The following FGFBP1 variants were observed in gnomAD, a reference collection of about 807,000 sequenced individuals.
FGFBP1 encodes fibroblast growth factor binding protein 1.
FGFBP1 carries 12 observed loss-of-function variants against 14.6 expected under a neutral mutation model. The observed-to-expected ratio is 0.82, with a 90% CI of 0.53 to 1.33. FGFBP1 has a LOEUF of 1.33. Among genes scored for constraint, FGFBP1 ranks in the 40% most tolerant of loss-of-function variants. The probability of loss-of-function intolerance (pLI) is 0.00; values close to 1 mark genes in which losing one functional copy is unlikely to be tolerated. For synonymous variants in FGFBP1, 117 were observed against 105.0 expected (o/e 1.11, Z -0.70); for missense variants, 317 against 271.8 (o/e 1.17, Z -1.17).
rs143807110 is a variant in FGFBP1 at position 15,936,088 on chromosome 4, G to T, written c.545C>A (p.Ser182Tyr). The T allele has an allele frequency of 1.2e-3, 1,919 of 1,614,130 alleles. 6 individuals are homozygous for T. Among genetic ancestry groups the T allele is most frequent in the Non-Finnish European group, 1.5e-3 (1,816 of 1,179,994 alleles). ...EHIKGKETTP[S>Y]SLAVTQTMAT... is the part of the protein sequence containing the mutation. ...CATGGTCTGGGTCACTGCTAGGCTAGAGGGGGTGGTCTCTTTGCCTTTGAT... is the reference window on the plus strand; with the variant it reads ...CATGGTCTGGGTCACTGCTAGGCTATAGGGGGTGGTCTCTTTGCCTTTGAT... Residue 182 changes from serine to tyrosine, a missense_variant, in exon 3 of 3, where the codon TCT becomes TAT. Coordinates refer to ENST00000382333, the MANE Select transcript of FGFBP1 (RefSeq NM_005130.5).
chr4:15,935,695 G>T lies in FGFBP1; in HGVS notation c.*233C>A, dbSNP rs565159838. ...CTCTTCGCTGCTCAAACACATAGCT[G>T]TGTGGGCCATGGAAATACATGCTGC... is the stretch of plus-strand genomic sequence containing the variant. On this transcript the variant is annotated 3_prime_UTR_variant, in exon 3 of 3. Coordinates refer to ENST00000382333, the MANE Select transcript of FGFBP1 (RefSeq NM_005130.5). The T allele has an allele frequency of 1.1e-4, 45 of 412,690 alleles. No individual in the cohort carries two copies. In the East Asian group the frequency reaches 1.6e-3, roughly 14 times the overall value. 25.6% of individuals were successfully genotyped at this position (412,690 alleles called of 1,614,324 possible).
rs758582365 is a variant in FGFBP1, at chr4:15,936,482, T to G, written c.151A>C (p.Lys51Gln). Residue 51 changes from lysine (K) to glutamine (Q), a missense_variant, in exon 3 of 3, where the codon AAA becomes CAA. Coordinates refer to ENST00000382333, the MANE Select transcript of FGFBP1 (RefSeq NM_005130.5). ...TTGCCTTTGTTCCCGGGCCTGCTTTTCTGCTTAATCTGGGTGTTGCCCAGA... is the reference window on the plus strand; with the variant it reads ...TTGCCTTTGTTCCCGGGCCTGCTTTGCTGCTTAATCTGGGTGTTGCCCAGA... ...DTLGNTQIKQ[K>Q]SRPGNKGKFV... is the part of the protein sequence containing the mutation. 9.9e-6 allele frequency: 16 copies of G among 1,614,088 alleles called. No individual in the cohort carries two copies. In the East Asian group the frequency reaches 2.2e-4, roughly 22 times the overall value.
At position 15,935,994 on chromosome 4, in the gene FGFBP1, G is replaced by C; in HGVS notation, c.639C>G (p.Phe213Leu). The C allele has an allele frequency of 6.2e-7, 1 of 1,614,060 alleles. No individual in the cohort carries two copies. Among genetic ancestry groups the C allele is most frequent in the Non-Finnish European group, 8.5e-7 (1 of 1,179,976 alleles). Reference sequence around the variant, plus strand: ...AGAGAGAGCTCCAAGTCTCTCCACAGAACTCCAGGGCAGTCTTCCTCTGGT... The same window carrying C: ...AGAGAGAGCTCCAAGTCTCTCCACACAACTCCAGGGCAGTCTTCCTCTGGT... ...MANQRKTALE[F>L]CGETWSSLCT... The change falls in exon 3 of 3, where the codon TTC becomes TTG. Residue 213 changes from phenylalanine (F) to leucine (L), a missense_variant. Coordinates refer to ENST00000382333, the MANE Select transcript of FGFBP1 (RefSeq NM_005130.5).
chr4:15,936,653 C>A lies in FGFBP1; in HGVS notation c.-20-1G>T, dbSNP rs758585113. On this transcript the variant is annotated splice_acceptor_variant, in intron 2 of 2. Transcript: ENST00000382333. LOFTEE classifies it low-confidence loss of function (5UTR_SPLICE). ...TTCATGGCTGCAGCTGGGCGTTCAC[C>A]TGTTTGACAAAAGGCAAGTGAGTCA... 74 of 1,571,012 alleles carry A rather than the reference C, an allele frequency of 4.7e-5. No individual in the cohort carries two copies. The highest frequency in any genetic ancestry group is 6.8e-5 in the African/African-American group (5 of 74,020).
At chr4:15,937,298 G>T (rs1369821449) in intron 2 of FGFBP1, among the ~76,000 whole-genome samples, 10 of 150,840 alleles carry the variant, frequency 6.6e-5, no homozygotes, top group African/African-American at 2.4e-4. Flanking sequence ...TTTGGGTGGG[G>T]TGGGTGGGGT....
rs144420787 is a variant in FGFBP1, at chr4:15,936,540, A to G, written c.93T>C (p.Leu31=). Residue 31 remains leucine (L), a synonymous_variant, in exon 3 of 3, where the codon CTT becomes CTC. Coordinates refer to ENST00000382333, the MANE Select transcript of FGFBP1 (RefSeq NM_005130.5). ...VEGKKKVKNG[L]HSKVVSEQKD... ...TTTGTTCTGAGACCACTTTGCTGTG[A>G]AGTCCATTCTTCACTTTTTTTTTCC... 16 of 1,613,888 alleles carry G rather than the reference A, an allele frequency of 9.9e-6. No individual in the cohort carries two copies. The African/African-American group carries it at 1.7e-4, about 18-fold the overall frequency.
rs1560344061 is a variant in FGFBP1 at position 15,936,563 on chromosome 4, T to TC, written c.69dup (p.Lys24GlufsTer26). On this transcript the variant is annotated frameshift_variant, in exon 3 of 3. Transcript: ENST00000382333. LOFTEE classifies it high-confidence loss of function. Reference sequence around the variant, plus strand: ...TGAAGTCCATTCTTCACTTTTTTTTTCCCCTCCACCAGGAGCACCTGAGCA... The same window carrying TC: ...TGAAGTCCATTCTTCACTTTTTTTTTCCCCCTCCACCAGGAGCACCTGAGCA... The TC allele has an allele frequency of 1.9e-6, 3 of 1,613,316 alleles. No individual in the cohort carries two copies. The highest frequency in any genetic ancestry group is 2.2e-5 in the East Asian group (1 of 44,864).
chr4:15,937,966 A>G (rs1712535017), intron 2 of FGFBP1, among the ~76,000 whole-genome samples: 1 of 152,254 alleles, frequency 6.6e-6, no homozygotes, highest in Non-Finnish European at 1.5e-5. Context: ...AATTTTTTAT[A>G]AAAAGAGGCA....
intron 2 of FGFBP1, among the ~76,000 whole-genome samples, chr4:15,937,809 C>T (rs1229611142): frequency 6.6e-6 from 1 of 152,200 alleles, no homozygotes; most frequent in Non-Finnish European, 1.5e-5. Context: ...TGGTTGATCA[C>T]TTTTTGCTTT....
chr4:15,936,613 G>T lies in FGFBP1; in HGVS notation c.20C>A (p.Thr7Asn), dbSNP rs1712502282. 6.2e-7 allele frequency: 1 copy of T among 1,610,436 alleles called. No homozygotes were observed. Among genetic ancestry groups the T allele is most frequent in the African/African-American group, 1.3e-5 (1 of 74,964 alleles). Residue 7 changes from threonine (T) to asparagine (N), a missense_variant, in exon 3 of 3, where the codon ACC becomes AAC. Physicochemically the swap from Thr to Asn is moderately conservative, Grantham distance 65. Coordinates refer to ENST00000382333, the MANE Select transcript of FGFBP1 (RefSeq NM_005130.5). MKICSL[T>N]LLSFLLLAAQ... ...AGCCAGTAGGAGGAAGGAGAGCAGG[G>T]TGAGGCTACAGATCTTCATGGCTGC...
At position 15,935,898 on chromosome 4, in the gene FGFBP1, C is replaced by A; in HGVS notation, c.*30G>T. ...CAGAGGGACTTACGACATGACATCT[C>A]TTAAGGGAACCCGTTCTCTTTTGAC... On this transcript the variant is annotated 3_prime_UTR_variant, in exon 3 of 3. Transcript: ENST00000382333. 6.9e-7 allele frequency: 1 copy of A among 1,457,048 alleles called. No homozygotes were observed. Among genetic ancestry groups the A allele is most frequent in the Non-Finnish European group, 9.4e-7 (1 of 1,067,898 alleles). 90.3% of individuals were successfully genotyped at this position (1,457,048 alleles called of 1,614,324 possible).
chr4:15,936,872 G>C (rs149679469), intron 2 of FGFBP1, among the ~76,000 whole-genome samples: 1 of 152,182 alleles, frequency 6.6e-6, no homozygotes, highest in Non-Finnish European at 1.5e-5. Context: ...GGAGCCTCAC[G>C]AACTCTCATT....
In FGFBP1 at chr4:15,938,333, G is replaced by A. The variant is rs944052376; in HGVS notation, c.-103C>T. 6.6e-6 allele frequency: 1 copy of A among 152,392 alleles called. No individual in the cohort carries two copies. Among genetic ancestry groups the A allele is most frequent in the African/African-American group, 2.4e-5 (1 of 41,456 alleles). The allele number at this position is 152,392 out of a possible 1,614,324, so 9.4% of individuals were successfully genotyped here. A position where few individuals can be genotyped will look rare whatever the true frequency, so the allele number is the denominator to read the frequency against. ...TGCAGCTGTGTCAGGTAGAGTGCAA[G>A]GGGGGTAGACTATTCAACAGGAGCC... On this transcript the variant is annotated 5_prime_UTR_variant, in exon 2 of 3. Coordinates refer to ENST00000382333, the MANE Select transcript of FGFBP1 (RefSeq NM_005130.5).
At chr4:15,938,205 G>A (rs1442432809) in intron 2 of FGFBP1, 46 bp downstream of exon 2, 1 of 152,274 alleles carries the variant, frequency 6.6e-6, no homozygotes, top group Non-Finnish European at 1.5e-5. Context: ...GGTGGAGTGA[G>A]AAGTGGCAGC....
Position 15,936,581 on chromosome 4 carries a change from C to A in FGFBP1, c.52G>T (p.Val18Leu), listed in dbSNP as rs767091000. 6.2e-7 allele frequency: 1 copy of A among 1,613,112 alleles called. No individual in the cohort carries two copies. Among genetic ancestry groups the A allele is most frequent in the South Asian group, 1.1e-5 (1 of 91,052 alleles). ...TTTTTTTTCCCCTCCACCAGGAGCACCTGAGCAGCCAGTAGGAGGAAGGAG... is the reference window on the plus strand; with the variant it reads ...TTTTTTTTCCCCTCCACCAGGAGCAACTGAGCAGCCAGTAGGAGGAAGGAG... The part of the protein sequence containing the change: ...LLSFLLLAAQ[V>L]LLVEGKKKVK... The change falls in exon 3 of 3, where the codon GTG becomes TTG. Residue 18 changes from valine to leucine, a missense_variant. Coordinates refer to ENST00000382333, the MANE Select transcript of FGFBP1 (RefSeq NM_005130.5).
rs180821224 is a variant in FGFBP1, at chr4:15,938,403, T to C, written c.-173A>G. On this transcript the variant is annotated 5_prime_UTR_variant, in exon 2 of 3. Coordinates refer to ENST00000382333, the MANE Select transcript of FGFBP1 (RefSeq NM_005130.5). The stretch of plus-strand genomic sequence containing the variant: ...AACACTCACTGGGTTTTTACAACAC[T>C]GTGGCACGTTACTCACAGCTCCTCC... 3.3e-5 allele frequency: 5 copies of C among 152,458 alleles called. No homozygotes were observed. In the East Asian group the frequency reaches 7.7e-4, roughly 24 times the overall value. The allele number at this position is 152,458 out of a possible 1,614,324, so 9.4% of individuals were successfully genotyped here.
chr4:15,936,294 C>G lies in FGFBP1; in HGVS notation c.339G>C (p.Trp113Cys). Residue 113 changes from tryptophan (W) to cysteine (C), a missense_variant, in exon 3 of 3, where the codon TGG (tryptophan) becomes TGC (cysteine). By Grantham distance (215) the Trp-to-Cys change is radical (BLOSUM62 -2). Transcript: ENST00000382333. ...AGCGCAGATTCCGGGCAACTTGTTT[C>G]CAATAGACTCTCTCATCCTTGAGCT... ...CLKLKDERVY[W>C]KQVARNLRSQ... 1 of 1,614,178 alleles carries G rather than the reference C, an allele frequency of 6.2e-7. No individual in the cohort carries two copies. Among genetic ancestry groups the G allele is most frequent in the Non-Finnish European group, 8.5e-7 (1 of 1,180,024 alleles).
Position 15,936,233 on chromosome 4 carries a change from C to T in FGFBP1, c.400G>A (p.Val134Met). ...KDICRYSKTA[V>M]KTRVCRKDFP... Reference sequence around the variant, plus strand: ...TCCTTTCTGCACACTCTGGTTTTCACAGCTGTCTTGGAATATCTACAGATG... The same window carrying T: ...TCCTTTCTGCACACTCTGGTTTTCATAGCTGTCTTGGAATATCTACAGATG... Residue 134 changes from valine to methionine, a missense_variant, in exon 3 of 3, where the codon GTG becomes ATG. Transcript: ENST00000382333. The T allele has an allele frequency of 6.2e-7, 1 of 1,614,210 alleles. No individual in the cohort carries two copies. The highest frequency in any genetic ancestry group is 8.5e-7 in the Non-Finnish European group (1 of 1,180,036).
rs530404240 is a variant in FGFBP1, at chr4:15,935,966, T to G, written c.667A>C (p.Thr223Pro). The G allele has an allele frequency of 6.2e-7, 1 of 1,613,234 alleles. No homozygotes were observed. The highest frequency in any genetic ancestry group is 2.2e-5 in the East Asian group (1 of 44,882). Reference protein sequence around the residue: ...FCGETWSSLCTFFLSIVQDTS... With the variant: ...FCGETWSSLCPFFLSIVQDTS... ...TCCTGCACTATGCTGAGGAAGAATG[T>G]GCAGAGAGAGCTCCAAGTCTCTCCA... Residue 223 changes from threonine (T) to proline (P), a missense_variant, in exon 3 of 3, where the codon ACA becomes CCA. Thr to Pro is a conservative substitution (Grantham distance 38). Coordinates refer to ENST00000382333, the MANE Select transcript of FGFBP1 (RefSeq NM_005130.5).
Sources: gnomAD v4.1 joint callset for allele counts (sites outside exome capture counted in the v4.1 genomes callset) on GRCh38, gnomAD v4.1.1 for gene constraint, MANE v1.5 for transcripts, NCBI Gene and HGNC (gene_info 2026-07-23, HGNC 2026-07-21) for gene names.